BMPR1B: variants seen among roughly 807,000 people sequenced by gnomAD.
The protein encoded by BMPR1B is bone morphogenetic protein receptor type-1B.
BMPR1B carries 12 observed loss-of-function variants against 59.1 expected under a neutral mutation model. The ratio of observed to expected loss-of-function variants is 0.20; its 90% CI spans 0.13 to 0.33. BMPR1B has a LOEUF of 0.33. Among genes scored for constraint, BMPR1B ranks in the 10% least tolerant of loss-of-function variants. BMPR1B has a pLI of 1.00. For synonymous variants in BMPR1B, 237 were observed against 207.3 expected (o/e 1.14, Z -1.23); for missense variants, 550 against 610.9 (o/e 0.90, Z 1.05).
chr4:94,804,291 G>A (rs1723522193), intron 1 of BMPR1B, among the ~76,000 whole-genome samples: 1 of 152,172 alleles, frequency 6.6e-6, no homozygotes, highest in Admixed American at 6.5e-5. Flanking sequence ...TGATGAATAG[G>A]AAGTTTAAAA....
intron 3 of BMPR1B, among the ~76,000 whole-genome samples, chr4:95,062,338 A>G (rs1393697723): frequency 6.6e-6 from 1 of 152,200 alleles, no homozygotes; most frequent in African/African-American, 2.4e-5. Context: ...ATATTCTAAT[A>G]TAATTTGCAA....
chr4:94,818,041 C>T (rs1409729390), intron 1 of BMPR1B, among the ~76,000 whole-genome samples: 3 of 152,126 alleles, frequency 2.0e-5, no homozygotes, highest in Admixed American at 6.6e-5. Context: ...TTTTCAGAAG[C>T]TCTGCAGAGG....
At chr4:95,052,118 C>A (rs1726550195) in intron 3 of BMPR1B, among the ~76,000 whole-genome samples, 1 of 152,018 alleles carries the variant, frequency 6.6e-6, no homozygotes, top group Non-Finnish European at 1.5e-5. Flanking sequence ...AAACTTTTTT[C>A]TGATTATTTT....
intron 2 of BMPR1B, among the ~76,000 whole-genome samples, chr4:94,887,805 A>G (rs139798131): frequency 0.016 from 2,491 of 152,168 alleles, 44 homozygotes; most frequent in East Asian, 0.082. Flanking sequence ...TCTGAAGAAG[A>G]AAAACAATAA....
rs1233804342 is a variant in BMPR1B, at chr4:94,939,978, A to G, written c.-112-56062A>G. Among the ~76,000 whole-genome samples the G allele has an allele frequency of 3.9e-5, 6 of 152,252 alleles. No individual in the cohort carries two copies. The South Asian group carries it at 6.2e-4, about 16-fold the overall frequency. On this transcript the variant is annotated intron_variant, in intron 2 of 12. Coordinates refer to ENST00000515059, the MANE Select transcript of BMPR1B (RefSeq NM_001203.3). ...TGTTTGTTTTGAATCAGATACTATTACAAAGTAATCTGATACTACTCCTTC... is the reference window on the plus strand; with the variant it reads ...TGTTTGTTTTGAATCAGATACTATTGCAAAGTAATCTGATACTACTCCTTC...
At chr4:94,957,371 C>G (rs1020104495) in intron 2 of BMPR1B, among the ~76,000 whole-genome samples, 27 of 112,612 alleles carry the variant, frequency 2.4e-4, no homozygotes, top group African/African-American at 9.1e-4. Context: ...CCTTTTGCAA[C>G]ATGTGTGTGG....
rs1275094858 is a variant in BMPR1B, at chr4:94,758,028, C to CCGCGGCGCTGAGGA, written c.-217_-204dup. On this transcript the variant is annotated 5_prime_UTR_variant, in exon 1 of 13. Coordinates refer to ENST00000515059, the MANE Select transcript of BMPR1B (RefSeq NM_001203.3). ...CGCGGGACGCCGGGCAGTGCGGAGA[C>CCGCGGCGCTGAGGA]CGCGGCGCTGAGGACGCGGGAGCCG... 3 of 146,586 alleles carry CCGCGGCGCTGAGGA rather than the reference C, an allele frequency of 2.0e-5. No individual in the cohort carries two copies. Among genetic ancestry groups the CCGCGGCGCTGAGGA allele is most frequent in the East Asian group, 2.1e-4 (1 of 4,878 alleles). 9.1% of individuals were successfully genotyped at this position (146,586 alleles called of 1,614,324 possible). A position where few individuals can be genotyped will look rare whatever the true frequency, so the allele number is the denominator to read the frequency against.
chr4:94,892,693 T>C (rs527251643), intron 2 of BMPR1B, among the ~76,000 whole-genome samples: 36 of 152,090 alleles, frequency 2.4e-4, no homozygotes, highest in Non-Finnish European at 4.6e-4. Context: ...AGCATTTGTT[T>C]AGTGAGAGAT....
At chr4:94,905,535 CTTTT>C (rs1157331267) in intron 2 of BMPR1B, among the ~76,000 whole-genome samples, 1 of 151,856 alleles carries the variant, frequency 6.6e-6, no homozygotes, top group South Asian at 2.1e-4. Flanking sequence ...CTTTTTAAGG[CTTTT>C]TTTGACTACT....
At chr4:94,919,431 C>A (rs2149022408) in intron 2 of BMPR1B, among the ~76,000 whole-genome samples, 1 of 152,248 alleles carries the variant, frequency 6.6e-6, no homozygotes, top group South Asian at 2.1e-4. Flanking sequence ...CTTCACAAAC[C>A]AATACTTATC....
chr4:95,101,204 A>G (rs892382413), intron 3 of BMPR1B, among the ~76,000 whole-genome samples: 8 of 152,210 alleles, frequency 5.3e-5, no homozygotes, highest in Non-Finnish European at 1.0e-4. Context: ...TCTGGAAGCC[A>G]TGTGGGGAAG....
chr4:95,071,676 ATATATG>A (rs1728309915), intron 3 of BMPR1B, among the ~76,000 whole-genome samples: 1 of 146,288 alleles, frequency 6.8e-6, no homozygotes, highest in Non-Finnish European at 1.5e-5. Context: ...ATATATATAT[ATATATG>A]AACTCTATAT....
intron 1 of BMPR1B, among the ~76,000 whole-genome samples, chr4:94,776,938 A>C (rs1722392701): frequency 6.6e-6 from 1 of 152,188 alleles, no homozygotes; most frequent in South Asian, 2.1e-4. Context: ...TGCTAACAAA[A>C]GTGTGAATTA....
chr4:95,151,945 A>G (rs1735075027), intron 11 of BMPR1B, among the ~76,000 whole-genome samples: 1 of 152,132 alleles, frequency 6.6e-6, no homozygotes, highest in Non-Finnish European at 1.5e-5. Context: ...AATACTAGGA[A>G]CAATAAAATG....
chr4:94,772,627 A>G (rs1722226289), intron 1 of BMPR1B, among the ~76,000 whole-genome samples: 1 of 152,210 alleles, frequency 6.6e-6, no homozygotes, highest in Non-Finnish European at 1.5e-5. Flanking sequence ...GTAATAAGAT[A>G]TAGTATAATT....
chr4:95,001,718 C>A (rs978128988), intron 3 of BMPR1B, among the ~76,000 whole-genome samples: 16 of 152,048 alleles, frequency 1.1e-4, no homozygotes, highest in African/African-American at 3.6e-4. Flanking sequence ...ATGAAAGAAT[C>A]CAATTGGCTT....
intron 1 of BMPR1B, among the ~76,000 whole-genome samples, chr4:94,813,057 AC>A (rs1172344827): frequency 2.0e-5 from 3 of 151,898 alleles, no homozygotes; most frequent in Non-Finnish European, 4.4e-5. Context: ...AATTTTATTA[AC>A]CAATTGGTTT....
chr4:94,773,844 C>T (rs371113505), intron 1 of BMPR1B, among the ~76,000 whole-genome samples: 1 of 87,502 alleles, frequency 1.1e-5, no homozygotes, highest in African/African-American at 4.1e-5. Flanking sequence ...AATATGAAAA[C>T]AAAAACTGAA....
chr4:94,981,827 C>T (rs3755874), intron 2 of BMPR1B, among the ~76,000 whole-genome samples: 145,273 of 152,260 alleles, frequency 0.95, 69,339 homozygotes, highest in Middle Eastern at 0.99. Context: ...CCAATAGTTT[C>T]AGTAAATCAG....
Sources: gnomAD v4.1 joint callset for allele counts (sites outside exome capture counted in the v4.1 genomes callset) on GRCh38, gnomAD v4.1.1 for gene constraint, MANE v1.5 for transcripts, NCBI Gene and HGNC (gene_info 2026-07-23, HGNC 2026-07-21) for gene names.